The following CNTNAP3 variants were observed in gnomAD, a reference collection of about 807,000 sequenced individuals.
The protein encoded by CNTNAP3 is contactin associated protein family member 3.
A neutral mutation model predicts 92.1 loss-of-function variants in CNTNAP3; 36 were observed. The observed-to-expected ratio is 0.39, with a 90% CI of 0.30 to 0.52. The LOEUF is 0.52. Among genes scored for constraint, CNTNAP3 ranks in the 20% least tolerant of loss-of-function variants. The pLI is 0.76. For synonymous variants in CNTNAP3, 232 were observed against 422.3 expected (o/e 0.55, Z 5.53); for missense variants, 534 against 1,069.6 (o/e 0.50, Z 6.98).
At position 39,154,916 on chromosome 9, in the gene CNTNAP3, G is replaced by A. The variant is rs11792999; in HGVS notation, c.1478-4939C>T. ...AGGCGGCAAGATCATCGTGGGCGACGCCGCAGAGAAAGATGCATTGAAGGA... is the reference window on the plus strand; with the variant it reads ...AGGCGGCAAGATCATCGTGGGCGACACCGCAGAGAAAGATGCATTGAAGGA... On this transcript the variant is annotated intron_variant, in intron 9 of 23. Coordinates refer to ENST00000297668, the MANE Select transcript of CNTNAP3 (RefSeq NM_033655.5). 4.9e-3 allele frequency: 978 copies of A among 199,268 alleles called. 6 individuals carry two copies. Among genetic ancestry groups the A allele is most frequent in the African/African-American group, 0.016 (591 of 37,798 alleles). The allele number at this position is 199,268 out of a possible 1,614,324, so 12.3% of individuals were successfully genotyped here.
intron 23 of CNTNAP3, among the ~76,000 whole-genome samples, chr9:39,074,549 T>C (rs1587691459): frequency 1.3e-5 from 2 of 151,876 alleles, no homozygotes; most frequent in South Asian, 2.1e-4. Context: ...TCCCTACAGG[T>C]ATATGATGAT....
At chr9:39,094,994 C>A (rs1344009897) in intron 18 of CNTNAP3, among the ~76,000 whole-genome samples, 1 of 151,082 alleles carries the variant, frequency 6.6e-6, no homozygotes, top group East Asian at 1.9e-4. Flanking sequence ...CTATTTAGTT[C>A]TTTCTTTAAT....
intron 23 of CNTNAP3, among the ~76,000 whole-genome samples, chr9:39,076,367 G>A (rs1825763786): frequency 6.6e-6 from 1 of 152,306 alleles, no homozygotes; most frequent in Non-Finnish European, 1.5e-5. Context: ...GATTGATTTA[G>A]GATTGGATTT....
In CNTNAP3 at chr9:39,096,258, G is replaced by GCACACAAAAC. The variant is rs1455134035; in HGVS notation, c.2995+3652_2995+3653insGTTTTGTGTG. On this transcript the variant is annotated intron_variant, in intron 18 of 23. Transcript: ENST00000297668. ...TACCTGCACACTTACCTTTATTAGT[G>GCACACAAAAC]CTATTTGTTTTTTGTGTGTAGATTC... 6.6e-5 allele frequency among the ~76,000 whole-genome samples: 9 copies of GCACACAAAAC among 137,336 alleles called. 1 individual carries two copies. The highest frequency in any genetic ancestry group is 1.6e-5 in the Non-Finnish European group (1 of 62,816). 90.1% of individuals were successfully genotyped at this position (137,336 alleles called of 152,430 possible).
At position 39,068,616 on chromosome 9, in the gene CNTNAP3, C is replaced by T. The variant is rs1330649427; in HGVS notation, c.*5274G>A. 9.3e-4 allele frequency among the ~76,000 whole-genome samples: 141 copies of T among 152,056 alleles called. No individual in the cohort carries two copies. The highest frequency in any genetic ancestry group is 3.1e-3 in the African/African-American group (127 of 41,290). ...CTTTGTTACACACTGAAGGGCGACC[C>T]TCTCCAGATTTGCAAAGTTTTCTCC... On this transcript the variant is annotated 3_prime_UTR_variant, in exon 24 of 24. Coordinates refer to ENST00000297668, the MANE Select transcript of CNTNAP3 (RefSeq NM_033655.5).
At chr9:39,126,132 T>C (rs1480394322) in intron 13 of CNTNAP3, among the ~76,000 whole-genome samples, 1 of 152,096 alleles carries the variant, frequency 6.6e-6, no homozygotes, top group Non-Finnish European at 1.5e-5. Context: ...TTTAAAAGAA[T>C]AGAAATCACA....
chr9:39,149,904 G>T lies in CNTNAP3; in HGVS notation c.1551C>A (p.Ile517=), dbSNP rs1389951907. The T allele has an allele frequency of 1.2e-6, 2 of 1,610,256 alleles. No homozygotes were observed. Residue 517 remains isoleucine, a synonymous_variant, in exon 10 of 24, where the codon ATC becomes ATA. Transcript: ENST00000297668. ...GATCCACCGCTTTGTCACCAATGGT[G>T]ATGAGCCTTAGGCAGCCCTGAAACC... The part of the protein sequence containing the change: ...LGGFQGCLRL[I]TIGDKAVDPI...
At chr9:39,109,071 C>G in intron 15 of CNTNAP3, 89 bp downstream of exon 15, 1 of 1,496,366 alleles carries the variant, frequency 6.7e-7, no homozygotes, top group Non-Finnish European at 8.9e-7. Flanking sequence ...CCACTATTCT[C>G]TTTCTGGCAA....
chr9:39,155,766 AT>A (rs1821945843), intron 9 of CNTNAP3, among the ~76,000 whole-genome samples: 1 of 136,774 alleles, frequency 7.3e-6, no homozygotes, highest in South Asian at 2.3e-4. Flanking sequence ...AGCTGTACAT[AT>A]TCAGGCCATT....
chr9:39,109,349 C>A, intron 14 of CNTNAP3, 62 bp from the exon 15 acceptor site: 4 of 1,594,820 alleles, frequency 2.5e-6, no homozygotes, highest in Non-Finnish European at 3.4e-6. Context: ...AAAATTAACT[C>A]TGATCTCTTA....
chr9:39,085,068 T>G (rs1826035178), intron 21 of CNTNAP3: 1 of 142,546 alleles, frequency 7.0e-6, no homozygotes, highest in Admixed American at 6.8e-5. Context: ...TTTTCTTAAT[T>G]GAGTTACATA....
chr9:39,136,544 C>G (rs893094724), intron 12 of CNTNAP3, among the ~76,000 whole-genome samples: 1 of 152,116 alleles, frequency 6.6e-6, no homozygotes, highest in Non-Finnish European at 1.5e-5. Context: ...GAAGAGAAGT[C>G]GCTGTAATAC....
chr9:39,074,970 G>C (rs1484211166), intron 23 of CNTNAP3, among the ~76,000 whole-genome samples: 15 of 152,074 alleles, frequency 9.9e-5, no homozygotes, highest in African/African-American at 3.6e-4. Flanking sequence ...GGGTTTCACC[G>C]TGTTAGCTAG....
intron 18 of CNTNAP3, among the ~76,000 whole-genome samples, chr9:39,091,165 C>CT (rs1587702303): frequency 9.3e-6 from 1 of 107,540 alleles, no homozygotes; most frequent in East Asian, 3.1e-4. Flanking sequence ...GGATGTTTTT[C>CT]TTCTTCTTTT....
At chr9:39,137,220 T>A (rs1469411973) in intron 12 of CNTNAP3, among the ~76,000 whole-genome samples, 30 of 151,892 alleles carry the variant, frequency 2.0e-4, no homozygotes, top group African/African-American at 7.0e-4. Flanking sequence ...TGCTTTTCAG[T>A]TTTGCAAGTT....
intron 18 of CNTNAP3, among the ~76,000 whole-genome samples, chr9:39,099,612 G>C (rs1367795986): frequency 6.6e-6 from 1 of 152,090 alleles, no homozygotes; most frequent in Non-Finnish European, 1.5e-5. Context: ...GTTAAAATTA[G>C]AACAGTACAA....
intron 15 of CNTNAP3, 94 bp downstream of exon 15, chr9:39,109,066 A>C: frequency 6.7e-7 from 1 of 1,490,154 alleles, no homozygotes; most frequent in Non-Finnish European, 8.9e-7. Flanking sequence ...TACTGCCACT[A>C]TTCTCTTTCT....
chr9:39,081,471 C>T (rs983159159), intron 21 of CNTNAP3, among the ~76,000 whole-genome samples: 17 of 149,990 alleles, frequency 1.1e-4, no homozygotes, highest in African/African-American at 2.9e-4. Context: ...AGCCTGCTCC[C>T]GAGTAAATTC....
In CNTNAP3 at chr9:39,084,194, G is replaced by GTTTTTT. The variant is rs201621606; in HGVS notation, c.3442+1536_3442+1541dup. On this transcript the variant is annotated intron_variant, in intron 21 of 23. Coordinates refer to ENST00000297668, the MANE Select transcript of CNTNAP3 (RefSeq NM_033655.5). ...ACTGTTCATAGCAGATGCTCACCAA[G>GTTTTTT]TTTTTTTTTTTTTTTTTTTTTTGAG... 1.1e-3 allele frequency among the ~76,000 whole-genome samples: 123 copies of GTTTTTT among 116,894 alleles called. 2 individuals are homozygous for GTTTTTT. The highest frequency in any genetic ancestry group is 3.7e-3 in the African/African-American group (116 of 31,306). The allele number at this position is 116,894 out of a possible 152,430, so 76.7% of individuals were successfully genotyped here.
Sources: gnomAD v4.1 joint callset for allele counts (sites outside exome capture counted in the v4.1 genomes callset) on GRCh38, gnomAD v4.1.1 for gene constraint, MANE v1.5 for transcripts, NCBI Gene and HGNC (gene_info 2026-07-23, HGNC 2026-07-21) for gene names.